Variants in TAF7L observed in about 807,000 individuals in gnomAD.
TAF7L encodes TATA-box binding protein associated factor 7 like, also known as transcription initiation factor TFIID subunit 7-like.
TAF7L carries 6 observed loss-of-function variants against 30.2 expected under a neutral mutation model. The observed-to-expected ratio is 0.20, with a 90% confidence interval of 0.11 to 0.39. TAF7L has a LOEUF of 0.39. Among genes scored for constraint, TAF7L ranks in the 10% least tolerant of loss-of-function variants. The pLI is 1.00. For synonymous variants in TAF7L, 93 were observed against 94.5 expected (o/e 0.98, Z 0.09); for missense variants, 284 against 277.1 (o/e 1.03, Z -0.18).
At chrX:101,269,258 A>T (rs764784553) in intron 12 of TAF7L, 21 bp from the exon 13 acceptor site, 1 of 1,188,155 alleles carries the variant, frequency 8.4e-7, no homozygotes, top group South Asian at 1.9e-5. Context: ...AGGTAGAAAG[A>T]CATGAAAAAT....
chrX:101,283,393 G>A (rs1306879782), intron 4 of TAF7L, 57 bp downstream of exon 4: 4 of 1,154,880 alleles, frequency 3.5e-6, no homozygotes, highest in East Asian at 6.0e-5. Flanking sequence ...AAGAAAAATA[G>A]GAAGAGAAAA....
chrX:101,282,175 C>T (rs1298482549), intron 5 of TAF7L, 152 bp downstream of exon 5: 17 of 751,715 alleles, frequency 2.3e-5, no homozygotes, highest in East Asian at 3.5e-5. Flanking sequence ...CGTGAGCCAC[C>T]GCGCCCAGCT....
At position 101,282,353 on chromosome X, in the gene TAF7L, T is replaced by A; in HGVS notation, c.380A>T (p.Glu127Val). 8.3e-7 allele frequency: 1 copy of A among 1,211,308 alleles called. No individual in the cohort carries two copies. The highest frequency in any genetic ancestry group is 1.7e-5 in the African/African-American group (1 of 57,698). The change falls in exon 5 of 13, where the codon GAA becomes GTA. Residue 127 changes from glutamate to valine, a missense_variant. Physicochemically the swap from Glu to Val is moderately radical, Grantham distance 121. Transcript: ENST00000356784. Reference sequence around the variant, plus strand: ...GCCATGCTTCCAGACACATTTTTCTTCTCTCCCCCTTTCTTTTTTCCTGAC... The same window carrying A: ...GCCATGCTTCCAGACACATTTTTCTACTCTCCCCCTTTCTTTTTTCCTGAC... ...NIVRKKERGREEKCVWKHGIT... is the reference protein window; with the variant it reads ...NIVRKKERGRVEKCVWKHGIT...
intron 9 of TAF7L, among the ~76,000 whole-genome samples, 155 bp downstream of exon 9, chrX:101,277,451 C>CAAAAAAAAAAAAAAAAAAAAA (rs368056727): frequency 9.9e-5 from 4 of 40,415 alleles, no homozygotes; most frequent in African/African-American, 4.0e-4. Flanking sequence ...GACTCCATCT[C>CAAAAAAAAAAAAAAAAAAAAA]AAAAAAAAAA....
chrX:101,278,652 G>A (rs1207638261), intron 7 of TAF7L, among the ~76,000 whole-genome samples: 2 of 112,199 alleles, frequency 1.8e-5, no homozygotes, highest in Admixed American at 1.9e-4. Flanking sequence ...TAGAAATTAG[G>A]ATTTTGATGG....
In TAF7L at chrX:101,287,498, A is replaced by G. The variant is rs1569276998; in HGVS notation, c.46T>C (p.Phe16Leu). The G allele has an allele frequency of 2.8e-5, 34 of 1,207,277 alleles. No homozygotes were observed. The highest frequency in any genetic ancestry group is 3.8e-5 in the Non-Finnish European group (34 of 892,243). Residue 16 changes from phenylalanine to leucine, a missense_variant, in exon 2 of 13, where the codon TTT becomes CTT. Transcript: ENST00000356784. ...CTTACCAGAGGCAGACGCAATATAA[A>G]CTGGTTCTCAACTTCATCAGGAACT... Reference protein sequence around the residue: ...DEVPDEVENQFILRLPLEHAC... With the variant: ...DEVPDEVENQLILRLPLEHAC...
intron 7 of TAF7L, 62 bp downstream of exon 7, chrX:101,278,932 T>A: frequency 9.8e-7 from 1 of 1,016,012 alleles, no homozygotes; most frequent in Non-Finnish European, 1.4e-6. Context: ...CATTTGAAAC[T>A]AATGAGCTAT....
intron 12 of TAF7L, among the ~76,000 whole-genome samples, chrX:101,274,399 G>A (rs1172348736): frequency 2.7e-5 from 3 of 110,160 alleles, no homozygotes; most frequent in Non-Finnish European, 3.8e-5. Flanking sequence ...TACAGTCAGC[G>A]TTTCACCATG....
intron 1 of TAF7L, among the ~76,000 whole-genome samples, chrX:101,288,192 A>T (rs1218991388): frequency 1.9e-5 from 2 of 104,736 alleles, no homozygotes; most frequent in Non-Finnish European, 3.9e-5. Context: ...CCCAGGCTGG[A>T]GTGCAGTGGT....
At chrX:101,269,551 T>A (rs755544465) in intron 12 of TAF7L, among the ~76,000 whole-genome samples, 1 of 111,930 alleles carries the variant, frequency 8.9e-6, no homozygotes, top group Non-Finnish European at 1.9e-5. Flanking sequence ...CAGTTCCACA[T>A]AGCTGGAGGC....
intron 6 of TAF7L, among the ~76,000 whole-genome samples, chrX:101,279,477 C>T (rs1016934418): frequency 4.5e-5 from 5 of 110,674 alleles, no homozygotes; most frequent in Non-Finnish European, 9.5e-5. Flanking sequence ...AAAAATTAGC[C>T]GGGCATGGTG....
intron 9 of TAF7L, among the ~76,000 whole-genome samples, 155 bp downstream of exon 9, chrX:101,277,451 C>CA (rs368056727): frequency 0.019 from 764 of 40,255 alleles, 27 homozygotes; most frequent in African/African-American, 0.065. Flanking sequence ...GACTCCATCT[C>CA]AAAAAAAAAA....
intron 5 of TAF7L, 84 bp downstream of exon 5, chrX:101,282,243 G>C: frequency 8.8e-7 from 1 of 1,142,317 alleles, no homozygotes; most frequent in African/African-American, 1.8e-5. Flanking sequence ...CCTAAGTGTG[G>C]TAAGACGTCC....
At position 101,276,001 on chromosome X, in the gene TAF7L, T is replaced by G. The variant is rs756409810; in HGVS notation, c.1025A>C (p.Lys342Thr). Residue 342 changes from lysine (K) to threonine (T), a missense_variant and splice_region_variant, in exon 11 of 13, where the codon AAG becomes ACG. Transcript: ENST00000356784. ...LIMKVENLTL[K>T]NHFQSVLEQL... ...TCTTTATGCCAGCCAAGAATTTACC[T>G]TGAGTGTCAGGTTTTCCACTTTCAT... The G allele has an allele frequency of 1.7e-6, 2 of 1,175,672 alleles. No individual in the cohort carries two copies. The highest frequency in any genetic ancestry group is 2.3e-6 in the Non-Finnish European group (2 of 874,618).
At position 101,268,941 on chromosome X, in the gene TAF7L, A is replaced by G; in HGVS notation, c.*252T>C. ...ATAACAAGACCCCATTTCTAAATTA[A>G]TAATAATAATTCCCAAATTGACAAA... On this transcript the variant is annotated 3_prime_UTR_variant, in exon 13 of 13. Transcript: ENST00000356784. 3.7e-6 allele frequency: 1 copy of G among 273,375 alleles called. No homozygotes were observed. Among genetic ancestry groups the G allele is most frequent in the Admixed American group, 5.9e-5 (1 of 16,914 alleles). The allele number at this position is 273,375 out of a possible 1,213,427, so 22.5% of individuals were successfully genotyped here.
At chrX:101,286,692 C>T in intron 2 of TAF7L, 39 bp from the exon 3 acceptor site, 1 of 1,043,576 alleles carries the variant, frequency 9.6e-7, no homozygotes, top group African/African-American at 1.8e-5. Flanking sequence ...AAGAACTAAA[C>T]ATCTACTTGG....
At chrX:101,283,731 A>C in intron 3 of TAF7L, 148 bp from the exon 4 acceptor site, 6 of 585,724 alleles carry the variant, frequency 1.0e-5, no homozygotes, top group Non-Finnish European at 1.3e-5. Flanking sequence ...TACACAATTA[A>C]TAGCTTCCTA....
chrX:101,285,499 A>G (rs1443118755), intron 3 of TAF7L, among the ~76,000 whole-genome samples: 1 of 94,122 alleles, frequency 1.1e-5, no homozygotes, highest in Admixed American at 1.1e-4. Flanking sequence ...CTCCATCTCA[A>G]AAAAAAAAAA....
chrX:101,276,899 G>T (rs1370815711), intron 9 of TAF7L, among the ~76,000 whole-genome samples: 1 of 108,806 alleles, frequency 9.2e-6, no homozygotes, highest in African/African-American at 3.4e-5. Flanking sequence ...GGAGGCCAAC[G>T]CGGGCAGAAC....
Sources: allele counts gnomAD v4.1 joint callset (sites outside exome capture counted in the v4.1 genomes callset), GRCh38; gene constraint gnomAD v4.1.1; transcripts MANE v1.5; gene names NCBI Gene and HGNC (gene_info 2026-07-23, HGNC 2026-07-21).